DPYD: variants seen among roughly 807,000 people sequenced by gnomAD.
DPYD encodes the protein dihydropyrimidine dehydrogenase [NADP(+)].
Under a neutral mutation model 116.2 loss-of-function variants are expected in DPYD, and 109 were observed. The observed-to-expected ratio is 0.94, with a 90% CI of 0.80 to 1.10. The LOEUF (loss-of-function observed/expected upper bound fraction) is 1.10, where lower values mean the gene tolerates loss of function less well. DPYD is among the 50% of genes least tolerant of loss of function. DPYD has a pLI of 0.00. For missense variants in DPYD, 1,302 were observed against 1,254.5 expected, an observed-to-expected ratio of 1.04 and a Z score of -0.57; for synonymous variants, 440 against 432.0, an observed-to-expected ratio of 1.02 and a Z score of -0.23.
intron 19 of DPYD, among the ~76,000 whole-genome samples, chr1:97,226,457 A>T (rs1661169410): frequency 6.6e-6 from 1 of 152,204 alleles, no homozygotes; most frequent in African/African-American, 2.4e-5. Context: ...CTCTGTAGAT[A>T]CCATATTATA....
chr1:97,329,752 TAA>T (rs10719278), intron 16 of DPYD, among the ~76,000 whole-genome samples: 73 of 127,238 alleles, frequency 5.7e-4, no homozygotes, highest in African/African-American at 5.1e-4. Flanking sequence ...AACTCCATCT[TAA>T]AAAAAAAAAA....
chr1:97,575,919 T>C (rs1653232675), intron 10 of DPYD, among the ~76,000 whole-genome samples: 1 of 152,224 alleles, frequency 6.6e-6, no homozygotes, highest in Non-Finnish European at 1.5e-5. Flanking sequence ...CACTTTTTTT[T>C]TCTCTGAATC....
At chr1:97,457,227 G>T (rs1051064590) in intron 13 of DPYD, among the ~76,000 whole-genome samples, 6 of 152,120 alleles carry the variant, frequency 3.9e-5, no homozygotes, top group African/African-American at 1.2e-4. Context: ...CTGAATGTCT[G>T]CTATATGCCA....
At position 97,124,294 on chromosome 1, in the gene DPYD, T is replaced by C. The variant is rs562343880; in HGVS notation, c.2623-25662A>G. Among the ~76,000 whole-genome samples the C allele has an allele frequency of 1.6e-4, 24 of 152,268 alleles. No individual in the cohort carries two copies. In the South Asian group the frequency reaches 4.8e-3, roughly 30 times the overall value. On this transcript the variant is annotated intron_variant, in intron 20 of 22. Coordinates refer to ENST00000370192, the MANE Select transcript of DPYD (RefSeq NM_000110.4). Reference sequence around the variant, plus strand: ...TGACCAGACAGATTTTAGTCCCTAATAAAATAATTCTCCTAACTCTTAGGT... The same window carrying C: ...TGACCAGACAGATTTTAGTCCCTAACAAAATAATTCTCCTAACTCTTAGGT...
intron 13 of DPYD, among the ~76,000 whole-genome samples, chr1:97,463,107 T>A (rs1371392482): frequency 6.6e-6 from 1 of 152,222 alleles, no homozygotes; most frequent in Non-Finnish European, 1.5e-5. Flanking sequence ...ATATCTTGCA[T>A]GTAATGATTG....
intron 19 of DPYD, among the ~76,000 whole-genome samples, chr1:97,213,411 T>C (rs937504185): frequency 6.6e-6 from 1 of 152,188 alleles, no homozygotes; most frequent in Non-Finnish European, 1.5e-5. Flanking sequence ...CTGTGGATTA[T>C]AGTTAGGCTT....
chr1:97,606,169 T>G (rs1321681155), intron 8 of DPYD, among the ~76,000 whole-genome samples: 1 of 152,090 alleles, frequency 6.6e-6, no homozygotes, highest in African/African-American at 2.4e-5. Flanking sequence ...ATACAAATCC[T>G]AGGTATTAAT....
At chr1:97,920,771 C>T (rs527391277) in intron 1 of DPYD, 113 bp downstream of exon 1, 2 of 1,435,312 alleles carry the variant, frequency 1.4e-6, no homozygotes, top group East Asian at 2.5e-5. Flanking sequence ...GGGAAACTTT[C>T]CCGCGTCTCT....
chr1:97,101,675 C>T (rs1650700405), intron 20 of DPYD, among the ~76,000 whole-genome samples: 1 of 152,006 alleles, frequency 6.6e-6, no homozygotes, highest in Non-Finnish European at 1.5e-5. Context: ...CAGGACCTGA[C>T]AGTGCCAGCA....
chr1:97,838,820 C>T (rs1350116381), intron 2 of DPYD, among the ~76,000 whole-genome samples: 1 of 151,904 alleles, frequency 6.6e-6, no homozygotes, highest in African/African-American at 2.4e-5. Context: ...AGTCCGCAGT[C>T]CGGCCTGGGC....
At chr1:97,237,597 G>A (rs148494299) in intron 18 of DPYD, among the ~76,000 whole-genome samples, 16 of 152,264 alleles carry the variant, frequency 1.1e-4, no homozygotes, top group African/African-American at 3.6e-4. Flanking sequence ...AAGGCTAATA[G>A]TGGACAGAAT....
intron 4 of DPYD, among the ~76,000 whole-genome samples, chr1:97,730,643 C>A (rs1256489240): frequency 6.6e-6 from 1 of 150,656 alleles, no homozygotes; most frequent in Non-Finnish European, 1.5e-5. Flanking sequence ...TTATAAAAGC[C>A]CCACTTTATC....
chr1:97,846,571 T>G (rs965632046), intron 2 of DPYD, among the ~76,000 whole-genome samples: 2 of 152,194 alleles, frequency 1.3e-5, no homozygotes, highest in Non-Finnish European at 2.9e-5. Context: ...GAACACCTAG[T>G]TGGTGTCCTC....
chr1:97,347,466 G>A (rs1397341464), intron 16 of DPYD, among the ~76,000 whole-genome samples: 2 of 151,948 alleles, frequency 1.3e-5, no homozygotes, highest in Non-Finnish European at 2.9e-5. Flanking sequence ...TGGATTTACT[G>A]AGATAAGCTC....
intron 7 of DPYD, among the ~76,000 whole-genome samples, chr1:97,686,510 G>C (rs1271771849): frequency 6.6e-6 from 1 of 150,800 alleles, no homozygotes; most frequent in Admixed American, 6.6e-5. Flanking sequence ...GGTAGCGGGA[G>C]CCTGTAGTCC....
chr1:97,918,709 T>A (rs185325217), intron 1 of DPYD, among the ~76,000 whole-genome samples: 1 of 152,344 alleles, frequency 6.6e-6, no homozygotes, highest in East Asian at 1.9e-4. Flanking sequence ...GGTTCTGTAG[T>A]TAGCTCATAG....
At chr1:97,436,138 C>T (rs567705003) in intron 14 of DPYD, among the ~76,000 whole-genome samples, 1 of 151,998 alleles carries the variant, frequency 6.6e-6, no homozygotes, top group East Asian at 1.9e-4. Flanking sequence ...TTTCTTTCTC[C>T]TTCTTTCCCC....
At chr1:97,221,034 T>C (rs1431762317) in intron 19 of DPYD, among the ~76,000 whole-genome samples, 1 of 152,222 alleles carries the variant, frequency 6.6e-6, no homozygotes, top group Non-Finnish European at 1.5e-5. Flanking sequence ...AAGTTTTCTT[T>C]ACTCAGCACG....
chr1:97,679,895 G>T (rs1261483804), intron 7 of DPYD, among the ~76,000 whole-genome samples: 2 of 152,088 alleles, frequency 1.3e-5, no homozygotes, highest in Non-Finnish European at 2.9e-5. Context: ...GATTCCCCTA[G>T]TCCTTTCCCA....
Sources: allele counts gnomAD v4.1 joint callset (sites outside exome capture counted in the v4.1 genomes callset), GRCh38; gene constraint gnomAD v4.1.1; transcripts MANE v1.5; gene names NCBI Gene and HGNC (gene_info 2026-07-23, HGNC 2026-07-21).